The following LCLAT1 variants were observed in gnomAD, a reference collection of about 807,000 sequenced individuals.
The protein encoded by LCLAT1 is 1-AGP acyltransferase 8.
A neutral mutation model predicts 30.7 loss-of-function variants in LCLAT1; 11 were observed. The ratio of observed to expected loss-of-function variants is 0.36; its 90% confidence interval spans 0.23 to 0.59. LCLAT1 has a LOEUF of 0.59. Ranked by LOEUF, LCLAT1 falls within the 20% of genes least tolerant of loss-of-function variation. The pLI is 0.77. For synonymous variants in LCLAT1, 155 were observed against 151.3 expected (o/e 1.02, Z -0.18); for missense variants, 402 against 458.6 (o/e 0.88, Z 1.13).
rs1004654106 is a variant in LCLAT1, at chr2:30,642,340, C to G, written c.*1721C>G. 1 of 152,110 alleles carries G rather than the reference C, an allele frequency of 6.6e-6. No homozygotes were observed. Among genetic ancestry groups the G allele is most frequent in the Non-Finnish European group, 1.5e-5 (1 of 68,014 alleles). 9.4% of individuals were successfully genotyped at this position (152,110 alleles called of 1,614,324 possible). On this transcript the variant is annotated 3_prime_UTR_variant, in exon 6 of 6. Transcript: ENST00000379509. ...GCAACTAACTAGTTATTATGCACAT[C>G]TGCTCCAGACCCAGCTCTTTAACTT...
intron 1 of LCLAT1, among the ~76,000 whole-genome samples, chr2:30,519,945 C>T: frequency 6.6e-6 from 1 of 152,206 alleles, no homozygotes; most frequent in East Asian, 1.9e-4. Flanking sequence ...GGATCTGGCA[C>T]CGTGTCCGCT....
At chr2:30,563,834 G>T (rs994161909) in intron 4 of LCLAT1, among the ~76,000 whole-genome samples, 6 of 152,182 alleles carry the variant, frequency 3.9e-5, no homozygotes, top group African/African-American at 9.7e-5. Flanking sequence ...GCCATAATAG[G>T]TTGTTAAGGG....
chr2:30,566,999 G>A (rs1281700509), intron 4 of LCLAT1, among the ~76,000 whole-genome samples: 5 of 152,186 alleles, frequency 3.3e-5, no homozygotes, highest in African/African-American at 9.7e-5. Flanking sequence ...CCTGAGCAAG[G>A]CAGATATTTC....
chr2:30,600,137 G>T (rs1403460742), intron 5 of LCLAT1, among the ~76,000 whole-genome samples: 1 of 152,054 alleles, frequency 6.6e-6, no homozygotes, highest in Non-Finnish European at 1.5e-5. Flanking sequence ...GCATCTGCTT[G>T]TCTGTAAAGG....
intron 5 of LCLAT1, among the ~76,000 whole-genome samples, chr2:30,575,936 A>C (rs1487560033): frequency 1.3e-5 from 2 of 152,138 alleles, no homozygotes; most frequent in Non-Finnish European, 2.9e-5. Context: ...CCAGCTATAA[A>C]AATGCCTACT....
intron 5 of LCLAT1, chr2:30,606,122 C>T (rs760725112): frequency 8.9e-6 from 8 of 900,188 alleles, no homozygotes; most frequent in South Asian, 3.0e-5. Flanking sequence ...ACTCCATGCT[C>T]ATGGATTGGA....
At chr2:30,516,912 G>A (rs964089768) in intron 1 of LCLAT1, among the ~76,000 whole-genome samples, 1 of 152,186 alleles carries the variant, frequency 6.6e-6, no homozygotes, top group Non-Finnish European at 1.5e-5. Context: ...TCTGAGTTGG[G>A]AGCATTGGTC....
intron 4 of LCLAT1, among the ~76,000 whole-genome samples, chr2:30,565,857 T>G (rs1034991104): frequency 2.0e-5 from 3 of 152,252 alleles, no homozygotes; most frequent in African/African-American, 7.2e-5. Flanking sequence ...TCTGTTAAGT[T>G]TCTGTTTAAG....
chr2:30,636,640 C>T lies in LCLAT1; in HGVS notation c.629-3477C>T, dbSNP rs77487480. ...TGCCATCAAACTTGCCATCTCAAAA[C>T]TTGCCATTTCTGTACTGAACATTAT... is the stretch of plus-strand genomic sequence containing the variant. On this transcript the variant is annotated intron_variant, in intron 5 of 5. Coordinates refer to ENST00000379509, the MANE Select transcript of LCLAT1 (RefSeq NM_001002257.3). Among the ~76,000 whole-genome samples the T allele has an allele frequency of 8.0e-3, 1,215 of 152,234 alleles. 19 individuals carry two copies. Among genetic ancestry groups the T allele is most frequent in the African/African-American group, 0.028 (1,152 of 41,536 alleles).
chr2:30,484,758 A>G (rs897247252), intron 1 of LCLAT1, among the ~76,000 whole-genome samples: 4 of 151,934 alleles, frequency 2.6e-5, no homozygotes, highest in African/African-American at 4.9e-5. Flanking sequence ...ACATTCAGTA[A>G]CATTTGACAG....
At chr2:30,597,495 C>T (rs2609928) in intron 5 of LCLAT1, among the ~76,000 whole-genome samples, 132,421 of 152,194 alleles carry the variant, frequency 0.87, 57,942 homozygotes, top group African/African-American at 0.94. Context: ...ATTGATTTTG[C>T]ATCCTGAGAC....
chr2:30,576,551 C>G (rs989477958), intron 5 of LCLAT1, among the ~76,000 whole-genome samples: 1 of 152,066 alleles, frequency 6.6e-6, no homozygotes. Context: ...AATCAAAATT[C>G]TCAGCAAAGG....
chr2:30,501,590 A>T (rs1684393778), intron 1 of LCLAT1, among the ~76,000 whole-genome samples: 1 of 152,118 alleles, frequency 6.6e-6, no homozygotes, highest in Admixed American at 6.5e-5. Flanking sequence ...TGGGAGGATC[A>T]GTTGAACCCA....
intron 5 of LCLAT1, among the ~76,000 whole-genome samples, chr2:30,631,392 G>T (rs1668764227): frequency 6.6e-6 from 1 of 152,188 alleles, no homozygotes; most frequent in African/African-American, 2.4e-5. Flanking sequence ...ATTAGCTCAG[G>T]TCAGTATCCT....
chr2:30,581,004 T>C (rs1249240320), intron 5 of LCLAT1, among the ~76,000 whole-genome samples: 1 of 152,170 alleles, frequency 6.6e-6, no homozygotes, highest in African/African-American at 2.4e-5. Flanking sequence ...GAAGGCCCTG[T>C]GCTCTCTGTC....
At chr2:30,572,700 ATTC>A (rs753953200) in intron 5 of LCLAT1, among the ~76,000 whole-genome samples, 1 of 151,728 alleles carries the variant, frequency 6.6e-6, no homozygotes, top group Non-Finnish European at 1.5e-5. Flanking sequence ...AAAAAAAATT[ATTC>A]TTTGTAGGTT....
intron 3 of LCLAT1, among the ~76,000 whole-genome samples, chr2:30,533,849 A>G (rs1558502306): frequency 6.6e-6 from 1 of 152,226 alleles, no homozygotes; most frequent in African/African-American, 2.4e-5. Flanking sequence ...TTAAATGGCT[A>G]GGAATACAAC....
intron 5 of LCLAT1, among the ~76,000 whole-genome samples, chr2:30,637,630 TG>T (rs564161278): frequency 9.0e-4 from 137 of 152,228 alleles, no homozygotes; most frequent in Middle Eastern, 3.4e-3. Context: ...CAGGCTGGAG[TG>T]CATTGGCACG....
chr2:30,473,723 T>C (rs563746935), intron 1 of LCLAT1, among the ~76,000 whole-genome samples: 43 of 152,324 alleles, frequency 2.8e-4, no homozygotes, highest in Middle Eastern at 3.4e-3. Flanking sequence ...TTTAACTGTT[T>C]ACAGGGAATG....
Sources: gnomAD v4.1 joint callset for allele counts (sites outside exome capture counted in the v4.1 genomes callset) on GRCh38, gnomAD v4.1.1 for gene constraint, MANE v1.5 for transcripts, NCBI Gene and HGNC (gene_info 2026-07-23, HGNC 2026-07-21) for gene names.